The following RIT2 variants were observed in gnomAD, a reference collection of about 807,000 sequenced individuals.
RIT2 encodes the protein GTP-binding protein Rit2.
RIT2 carries 24 observed loss-of-function variants against 23.7 expected under a neutral mutation model. The observed-to-expected ratio is 1.01, with a 90% confidence interval of 0.73 to 1.43. The LOEUF (loss-of-function observed/expected upper bound fraction) is 1.43, where lower values mean the gene tolerates loss of function less well. Ranked by LOEUF, RIT2 falls within the 40% of genes most tolerant of loss-of-function variation. RIT2 has a pLI of 0.00. For missense variants in RIT2, 236 were observed against 266.9 expected, an observed-to-expected ratio of 0.88 and a Z score of 0.81; for synonymous variants, 107 against 91.1, an observed-to-expected ratio of 1.17 and a Z score of -0.99.
At chr18:43,111,994 A>G (rs2144254252) in intron 1 of RIT2, among the ~76,000 whole-genome samples, 1 of 151,034 alleles carries the variant, frequency 6.6e-6, no homozygotes, top group Non-Finnish European at 1.5e-5. Context: ...TATAAATACA[A>G]ATATTAATAT....
At chr18:42,970,327 A>G in intron 3 of RIT2, among the ~76,000 whole-genome samples, 1 of 152,082 alleles carries the variant, frequency 6.6e-6, no homozygotes, top group East Asian at 1.9e-4. Flanking sequence ...AATGGAAGAC[A>G]TCAATCATAG....
At chr18:42,876,109 T>C (rs958906173) in intron 4 of RIT2, among the ~76,000 whole-genome samples, 7 of 152,040 alleles carry the variant, frequency 4.6e-5, no homozygotes, top group African/African-American at 4.8e-5. Flanking sequence ...ACTTGAACTA[T>C]ACGGACTCAA....
intron 4 of RIT2, among the ~76,000 whole-genome samples, chr18:42,801,956 T>C (rs998688565): frequency 5.9e-5 from 9 of 152,230 alleles, no homozygotes; most frequent in South Asian, 2.1e-4. Context: ...GCCATCCAAA[T>C]GCCAGGAGTC....
intron 4 of RIT2, among the ~76,000 whole-genome samples, chr18:42,782,314 A>G (rs1913828926): frequency 6.6e-6 from 1 of 152,160 alleles, no homozygotes; most frequent in Non-Finnish European, 1.5e-5. Flanking sequence ...CTTATTCCTT[A>G]GTGTTATATA....
chr18:43,102,324 A>G (rs908563409), intron 1 of RIT2, among the ~76,000 whole-genome samples: 6 of 152,152 alleles, frequency 3.9e-5, no homozygotes, highest in African/African-American at 1.4e-4. Flanking sequence ...ATGTTAGTAA[A>G]CATTCTGAAC....
chr18:42,958,336 A>C (rs1465248829), intron 3 of RIT2, among the ~76,000 whole-genome samples: 3 of 152,172 alleles, frequency 2.0e-5, no homozygotes, highest in African/African-American at 7.2e-5. Context: ...ATTATTGACC[A>C]AGATATGTAC....
intron 1 of RIT2, among the ~76,000 whole-genome samples, chr18:43,043,414 T>C (rs946635002): frequency 6.6e-6 from 1 of 152,194 alleles, no homozygotes; most frequent in Non-Finnish European, 1.5e-5. Flanking sequence ...AACACACATG[T>C]ACACTAAATG....
intron 1 of RIT2, among the ~76,000 whole-genome samples, chr18:43,056,800 A>G (rs1055342139): frequency 1.3e-5 from 2 of 152,120 alleles, no homozygotes. Flanking sequence ...GGGCTTCGCC[A>G]GGGAGGAATG....
chr18:42,872,419 G>A (rs1335783819), intron 4 of RIT2, among the ~76,000 whole-genome samples: 2 of 152,122 alleles, frequency 1.3e-5, no homozygotes, highest in Non-Finnish European at 2.9e-5. Flanking sequence ...GAGGAGAAAG[G>A]TCTTCTCTCT....
intron 4 of RIT2, among the ~76,000 whole-genome samples, chr18:42,912,047 A>G (rs1488919920): frequency 6.6e-6 from 1 of 151,858 alleles, no homozygotes; most frequent in Non-Finnish European, 1.5e-5. Flanking sequence ...ACAAAATTTT[A>G]TCAAAATATT....
At chr18:42,906,380 T>G (rs1908621998) in intron 4 of RIT2, among the ~76,000 whole-genome samples, 1 of 152,168 alleles carries the variant, frequency 6.6e-6, no homozygotes, top group Admixed American at 6.5e-5. Flanking sequence ...ATCATAAAAC[T>G]GCTTAAATCA....
chr18:42,917,217 G>A (rs1316285483), intron 4 of RIT2, among the ~76,000 whole-genome samples: 1 of 152,032 alleles, frequency 6.6e-6, no homozygotes, highest in East Asian at 1.9e-4. Flanking sequence ...CAAGGACACA[G>A]TAATCATCTG....
At chr18:42,752,660 A>G (rs1339506560) in intron 4 of RIT2, among the ~76,000 whole-genome samples, 1 of 152,164 alleles carries the variant, frequency 6.6e-6, no homozygotes, top group Non-Finnish European at 1.5e-5. Context: ...TTACAACTTA[A>G]AATAATTCTT....
At chr18:42,882,975 T>A (rs1291684888) in intron 4 of RIT2, among the ~76,000 whole-genome samples, 1 of 152,188 alleles carries the variant, frequency 6.6e-6, no homozygotes, top group Admixed American at 6.5e-5. Flanking sequence ...TACATTTGTA[T>A]ATATTATATG....
In RIT2 at chr18:42,981,979, C is replaced by T. The variant is rs567997465; in HGVS notation, c.161-7832G>A. ...CAGTCCACGGAAACACTGTCATGAACAACCTAAGTCCTGACTAGATTGACT... is the reference window on the plus strand; with the variant it reads ...CAGTCCACGGAAACACTGTCATGAATAACCTAAGTCCTGACTAGATTGACT... On this transcript the variant is annotated intron_variant, in intron 2 of 4. Coordinates refer to ENST00000326695, the MANE Select transcript of RIT2 (RefSeq NM_002930.4). Among the ~76,000 whole-genome samples, 116 of 152,294 alleles carry T rather than the reference C, an allele frequency of 7.6e-4. 1 individual carries two copies. The Middle Eastern group carries it at 0.01, about 13-fold the overall frequency.
intron 4 of RIT2, among the ~76,000 whole-genome samples, chr18:42,792,155 T>C (rs1914058128): frequency 1.3e-5 from 2 of 152,192 alleles, no homozygotes; most frequent in Non-Finnish European, 2.9e-5. Context: ...GTTCCAACTA[T>C]ACAAAAAAAC....
intron 4 of RIT2, among the ~76,000 whole-genome samples, chr18:42,919,170 ATAT>A (rs1908990407): frequency 6.6e-6 from 1 of 152,136 alleles, no homozygotes; most frequent in Non-Finnish European, 1.5e-5. Context: ...CTCTAAATAG[ATAT>A]TATGCTTTTT....
At chr18:42,965,325 T>A (rs1303899327) in intron 3 of RIT2, among the ~76,000 whole-genome samples, 1 of 152,140 alleles carries the variant, frequency 6.6e-6, no homozygotes, top group Admixed American at 6.5e-5. Flanking sequence ...ACACATCCCA[T>A]TTGAGTCAGA....
chr18:42,953,168 A>AT (rs958897449), intron 3 of RIT2, among the ~76,000 whole-genome samples: 4 of 152,044 alleles, frequency 2.6e-5, no homozygotes, highest in Admixed American at 2.6e-4. Context: ...GATCATGCAA[A>AT]TTTTAGTATT....
Sources: allele counts gnomAD v4.1 joint callset (sites outside exome capture counted in the v4.1 genomes callset), GRCh38; gene constraint gnomAD v4.1.1; transcripts MANE v1.5; gene names NCBI Gene and HGNC (gene_info 2026-07-23, HGNC 2026-07-21).